LAMA1: variants seen among roughly 807,000 people sequenced by gnomAD.
The protein encoded by LAMA1 is laminin subunit alpha 1, also known as laminin subunit alpha-1.
A neutral mutation model predicts 348.7 loss-of-function variants in LAMA1; 219 were observed. That is an observed-to-expected ratio of 0.63 (90% CI 0.56 to 0.70). LAMA1 has a LOEUF of 0.70. Among genes scored for constraint, LAMA1 ranks in the 30% least tolerant of loss-of-function variants. The pLI is 0.00. For synonymous variants in LAMA1, 1,487 were observed against 1,491.0 expected, an observed-to-expected ratio of 1.00 and a Z score of 0.06; for missense variants, 3,744 against 3,888.0, an observed-to-expected ratio of 0.96 and a Z score of 0.99.
At position 7,040,405 on chromosome 18, in the gene LAMA1, T is replaced by C. The variant is rs79879852; in HGVS notation, c.1262-169A>G. ...AGCCATTATTGTTCGAACACAGCCA[T>C]AGAGAATACACAGGCAAATGGCTAT... On this transcript the variant is annotated intron_variant, in intron 9 of 62. Transcript: ENST00000389658. 7.7e-3 allele frequency among the ~76,000 whole-genome samples: 1,179 copies of C among 152,330 alleles called. 10 individuals are homozygous for C. Among genetic ancestry groups the C allele is most frequent in the Non-Finnish European group, 0.014 (919 of 68,030 alleles).
chr18:7,066,059 G>A (rs188487044), intron 3 of LAMA1, among the ~76,000 whole-genome samples: 2 of 152,298 alleles, frequency 1.3e-5, no homozygotes, highest in South Asian at 2.1e-4. Flanking sequence ...AATGCTTTCA[G>A]AGTCAGAATT....
rs1447362503 is a variant in LAMA1 at position 7,017,483 on chromosome 18, A to T, written c.2702-99T>A. ...AGGAAAAAAAAAATGTAAACTTTCAATGTTTCAAATCACAAAACTAAAAAT... is the reference window on the plus strand; with the variant it reads ...AGGAAAAAAAAAATGTAAACTTTCATTGTTTCAAATCACAAAACTAAAAAT... On this transcript the variant is annotated intron_variant, in intron 19 of 62. Transcript: ENST00000389658. The T allele has an allele frequency of 1.9e-5, 16 of 825,656 alleles. No individual in the cohort carries two copies. The Admixed American group carries it at 3.0e-4, about 16-fold the overall frequency. The allele number at this position is 825,656 out of a possible 1,614,324, so 51.1% of individuals were successfully genotyped here. A position where few individuals can be genotyped will look rare whatever the true frequency, so the allele number is the denominator to read the frequency against.
In LAMA1 at chr18:6,975,982, T is replaced by A. The variant is rs370004150; in HGVS notation, c.6444A>T (p.Thr2148=). The change falls in exon 45 of 63, where the codon ACA becomes ACT. Residue 2148 remains threonine, a synonymous_variant. Coordinates refer to ENST00000389658, the MANE Select transcript of LAMA1 (RefSeq NM_005559.4). ...AGAAGAGAAGATTATCGGGTTCCTG[T>A]GTCTTAACATTTAGTGTTAAGGTAT... ...NYNTLTLNVK[T]QEPDNLLFYL... The A allele has an allele frequency of 6.2e-7, 1 of 1,614,078 alleles. No individual in the cohort carries two copies. The highest frequency in any genetic ancestry group is 1.3e-5 in the African/African-American group (1 of 74,912).
At chr18:7,023,745 C>T (rs1039296068) in intron 18 of LAMA1, among the ~76,000 whole-genome samples, 12 of 152,184 alleles carry the variant, frequency 7.9e-5, no homozygotes. Context: ...GCTACTAAAG[C>T]AAACCACCTG....
Position 7,014,031 on chromosome 18 carries a change from C to T in LAMA1, c.3147G>A (p.Val1049=). The T allele has an allele frequency of 6.2e-7, 1 of 1,613,924 alleles. No homozygotes were observed. Among genetic ancestry groups the T allele is most frequent in the Non-Finnish European group, 8.5e-7 (1 of 1,179,936 alleles). ...VGCQACNCSL[V]GSTHHRCDVV... ...CATCGCACCGATGATGAGTCGACCCCACGAGACTGCAATTGCAGGCCTGAG... is the reference window on the plus strand; with the variant it reads ...CATCGCACCGATGATGAGTCGACCCTACGAGACTGCAATTGCAGGCCTGAG... The change falls in exon 23 of 63, where the codon GTG becomes GTA. Residue 1049 remains valine, a synonymous_variant. Transcript: ENST00000389658.
At chr18:7,026,449 C>T (rs143357824) in intron 16 of LAMA1, among the ~76,000 whole-genome samples, 5 of 152,112 alleles carry the variant, frequency 3.3e-5, no homozygotes, top group African/African-American at 4.8e-5. Context: ...GGGATATGCA[C>T]GTGGTCTCAC....
Position 6,962,076 on chromosome 18 carries a change from G to C in LAMA1, c.7338-17C>G. On this transcript the variant is annotated splice_polypyrimidine_tract_variant and intron_variant, in intron 51 of 62. Coordinates refer to ENST00000389658, the MANE Select transcript of LAMA1 (RefSeq NM_005559.4). ...ACACCTCTCCTGTAGGGAAGGGCAT[G>C]AGAACAATCACAAAATTTGGGTTTT... 6.4e-7 allele frequency: 1 copy of C among 1,573,226 alleles called. No individual in the cohort carries two copies. The highest frequency in any genetic ancestry group is 8.8e-7 in the Non-Finnish European group (1 of 1,142,780).
intron 3 of LAMA1, chr18:7,079,718 C>T: frequency 2.0e-6 from 1 of 504,742 alleles, no homozygotes; most frequent in Non-Finnish European, 3.6e-6. Context: ...ATGAGTGTGC[C>T]CTGTTGACAC....
In LAMA1 at chr18:6,959,449, T is replaced by G. The variant is rs764906747; in HGVS notation, c.7670A>C (p.His2557Pro). ...VMLIGGNIEV[H>P]VNPGDGTGLR... ...GCCTGTCCCATCCCCAGGATTGACATGTACCTCAATGTTGCCTCCGATCAG... is the reference window on the plus strand; with the variant it reads ...GCCTGTCCCATCCCCAGGATTGACAGGTACCTCAATGTTGCCTCCGATCAG... The change falls in exon 54 of 63, where the codon CAT becomes CCT. Residue 2557 changes from histidine to proline, a missense_variant. By Grantham distance (77) the His-to-Pro change is moderately conservative. Around this residue, in one of 3 missense-constraint regions of LAMA1, gnomAD observed 1,983 missense variants for 1,934.3 expected, o/e 1.03. Transcript: ENST00000389658. 179 of 1,614,082 alleles carry G rather than the reference T, an allele frequency of 1.1e-4. No homozygotes were observed. Among genetic ancestry groups the G allele is most frequent in the Middle Eastern group, 6.6e-4 (4 of 6,084 alleles).
At chr18:7,050,458 G>C (rs1308918917) in intron 4 of LAMA1, among the ~76,000 whole-genome samples, 1 of 152,170 alleles carries the variant, frequency 6.6e-6, no homozygotes, top group Non-Finnish European at 1.5e-5. Context: ...GAGGATCCAA[G>C]GGCGTTATTA....
intron 1 of LAMA1, among the ~76,000 whole-genome samples, chr18:7,111,470 T>C (rs1259305006): frequency 1.3e-5 from 2 of 152,224 alleles, no homozygotes; most frequent in Admixed American, 1.3e-4. Flanking sequence ...GGGAAGATTC[T>C]GTGCTATTTA....
At chr18:6,958,947 G>A (rs1226992794) in intron 54 of LAMA1, among the ~76,000 whole-genome samples, 1 of 151,854 alleles carries the variant, frequency 6.6e-6, no homozygotes, top group African/African-American at 2.4e-5. Flanking sequence ...TACCTATGAT[G>A]AAAATGCCCA....
intron 12 of LAMA1, among the ~76,000 whole-genome samples, chr18:7,037,258 G>A (rs980080692): frequency 2.6e-5 from 4 of 152,066 alleles, no homozygotes; most frequent in Non-Finnish European, 5.9e-5. Flanking sequence ...TAAACAAAGC[G>A]GGAATGTGAG....
chr18:6,943,843 CAAA>C (rs61710961), intron 61 of LAMA1, among the ~76,000 whole-genome samples: 32 of 63,188 alleles, frequency 5.1e-4, no homozygotes, highest in African/African-American at 7.5e-4. Flanking sequence ...AACTCCATCT[CAAA>C]AAAAAAAAAA....
rs369361438 is a variant in LAMA1, at chr18:7,016,644, G to T, written c.2836C>A (p.His946Asn). Residue 946 changes from histidine (H) to asparagine (N), a missense_variant, in exon 21 of 63, where the codon CAT (histidine) becomes AAT (asparagine). Coordinates refer to ENST00000389658, the MANE Select transcript of LAMA1 (RefSeq NM_005559.4). The part of the protein sequence containing the change: ...LHGYYGLDSG[H>N]GCRPCNCSVA... ...CTGCAGTTGCAGGGCCGGCAGCCAT[G>T]GCCTGAGTCCAGCCCATAATAGCCA... is the stretch of plus-strand genomic sequence containing the variant. The T allele has an allele frequency of 1.9e-6, 3 of 1,613,830 alleles. No individual in the cohort carries two copies. Among genetic ancestry groups the T allele is most frequent in the Non-Finnish European group, 1.7e-6 (2 of 1,179,942 alleles).
At chr18:7,108,669 C>CAAAAAA (rs2058324021) in intron 1 of LAMA1, among the ~76,000 whole-genome samples, 1 of 73,494 alleles carries the variant, frequency 1.4e-5, no homozygotes, top group Non-Finnish European at 2.7e-5. Flanking sequence ...AAAAAAAAAG[C>CAAAAAA]TAACTCCCTT....
At chr18:7,035,875 C>A (rs1284199769) in intron 13 of LAMA1, 112 bp downstream of exon 13, 1 of 840,472 alleles carries the variant, frequency 1.2e-6, no homozygotes, top group Non-Finnish European at 2.0e-6. Context: ...ACTGAATGGC[C>A]ACCTGGCCAC....
intron 61 of LAMA1, among the ~76,000 whole-genome samples, chr18:6,944,628 C>G (rs377525969): frequency 6.6e-6 from 1 of 152,254 alleles, no homozygotes; most frequent in African/African-American, 2.4e-5. Flanking sequence ...AGAGGGAAGA[C>G]CATGTGAGAA....
At chr18:7,036,937 A>G (rs2057997901) in intron 12 of LAMA1, among the ~76,000 whole-genome samples, 1 of 152,192 alleles carries the variant, frequency 6.6e-6, no homozygotes, top group African/African-American at 2.4e-5. Flanking sequence ...TTTCGTATCA[A>G]TCAGAATCTG....
Sources: gnomAD v4.1 joint callset for allele counts (sites outside exome capture counted in the v4.1 genomes callset) on GRCh38, gnomAD v4.1.1 for gene constraint, gnomAD v4.1.1 regional missense constraint, MANE v1.5 for transcripts, NCBI Gene and HGNC (gene_info 2026-07-23, HGNC 2026-07-21) for gene names.